CPNE8: variants seen among roughly 807,000 people sequenced by gnomAD.
The protein encoded by CPNE8 is copine-8.
Under a neutral mutation model 81.5 loss-of-function variants are expected in CPNE8, and 45 were observed. The observed-to-expected ratio is 0.55, with a 90% CI of 0.44 to 0.71. The LOEUF (loss-of-function observed/expected upper bound fraction) is 0.71. CPNE8 is among the 30% of genes least tolerant of loss of function. The pLI, the probability that CPNE8 is intolerant of heterozygous loss-of-function variation, is 0.00. For synonymous variants in CPNE8, 252 were observed against 226.3 expected, an observed-to-expected ratio of 1.11 and a Z score of -1.02; for missense variants, 594 against 672.1, an observed-to-expected ratio of 0.88 and a Z score of 1.28.
At chr12:38,790,300 G>A (rs1002900099) in intron 6 of CPNE8, among the ~76,000 whole-genome samples, 2 of 151,724 alleles carry the variant, frequency 1.3e-5, no homozygotes, top group African/African-American at 4.8e-5. Context: ...AATATGGATG[G>A]AACTGAAGGT....
chr12:38,686,493 C>G (rs1353199818), intron 15 of CPNE8, among the ~76,000 whole-genome samples: 1 of 152,190 alleles, frequency 6.6e-6, no homozygotes, highest in Non-Finnish European at 1.5e-5. Flanking sequence ...ACAAATAACA[C>G]AAGACCATGT....
chr12:38,695,386 G>A (rs771309439), intron 14 of CPNE8, among the ~76,000 whole-genome samples: 5 of 152,194 alleles, frequency 3.3e-5, no homozygotes, highest in East Asian at 1.9e-4. Flanking sequence ...ACCAACTTCC[G>A]GGCTAATGTC....
At chr12:38,837,710 C>CAG (rs1390082388) in intron 5 of CPNE8, among the ~76,000 whole-genome samples, 3 of 151,386 alleles carry the variant, frequency 2.0e-5, no homozygotes, top group South Asian at 2.1e-4. Context: ...CTATTTGGAA[C>CAG]AGAGAGAGAG....
At chr12:38,696,009 G>C (rs1281566623) in intron 14 of CPNE8, among the ~76,000 whole-genome samples, 1 of 152,050 alleles carries the variant, frequency 6.6e-6, no homozygotes, top group Non-Finnish European at 1.5e-5. Context: ...ATATAGAAGA[G>C]TTTTAATCCA....
intron 1 of CPNE8, among the ~76,000 whole-genome samples, chr12:38,885,158 AT>A (rs1465633992): frequency 1.3e-5 from 2 of 152,228 alleles, no homozygotes; most frequent in Non-Finnish European, 2.9e-5. Flanking sequence ...TAATGAATGT[AT>A]TTTAAACTTA....
At chr12:38,687,541 C>T (rs1036215173) in intron 15 of CPNE8, among the ~76,000 whole-genome samples, 3 of 151,914 alleles carry the variant, frequency 2.0e-5, no homozygotes, top group Non-Finnish European at 4.4e-5. Context: ...ACCACCAGAC[C>T]CAGCTAATTT....
chr12:38,729,349 T>G (rs1251261810), intron 11 of CPNE8, among the ~76,000 whole-genome samples: 2 of 152,032 alleles, frequency 1.3e-5, no homozygotes, highest in Non-Finnish European at 2.9e-5. Context: ...GTTTGGCCCC[T>G]CTGTAATAAT....
intron 3 of CPNE8, among the ~76,000 whole-genome samples, chr12:38,867,318 G>C (rs1371282365): frequency 7.2e-6 from 1 of 138,610 alleles, no homozygotes; most frequent in East Asian, 2.2e-4. Context: ...GTGTGTGTGT[G>C]TGTGTGTGTG....
intron 15 of CPNE8, 118 bp from the exon 16 acceptor site, chr12:38,685,735 C>A: frequency 1.0e-6 from 1 of 1,002,006 alleles, no homozygotes; most frequent in East Asian, 2.6e-5. Context: ...TTGAGGAACT[C>A]TTATTCATAA....
intron 3 of CPNE8, among the ~76,000 whole-genome samples, chr12:38,866,896 T>A (rs1331658718): frequency 6.6e-6 from 1 of 152,158 alleles, no homozygotes; most frequent in Non-Finnish European, 1.5e-5. Context: ...TATCGCTCTG[T>A]CACCCAGGCT....
intron 13 of CPNE8, among the ~76,000 whole-genome samples, chr12:38,714,748 T>C (rs826841): frequency 0.098 from 14,908 of 152,052 alleles, 935 homozygotes; most frequent in East Asian, 0.25. Context: ...CCTGAATCCA[T>C]AAATCTGTCT....
chr12:38,856,960 A>G (rs1943748652), intron 3 of CPNE8, among the ~76,000 whole-genome samples: 1 of 151,756 alleles, frequency 6.6e-6, no homozygotes, highest in African/African-American at 2.4e-5. Flanking sequence ...TATGAGTATC[A>G]GGGTTTTTTT....
intron 14 of CPNE8, among the ~76,000 whole-genome samples, chr12:38,694,056 G>T (rs776050348): frequency 5.9e-5 from 9 of 151,986 alleles, no homozygotes; most frequent in Non-Finnish European, 1.2e-4. Context: ...CAAAGCATAC[G>T]CAGAAGTTTT....
Position 38,693,717 on chromosome 12 carries a change from T to C in CPNE8, c.1083A>G (p.Pro361=). The C allele has an allele frequency of 2.5e-6, 4 of 1,613,718 alleles. No homozygotes were observed. The highest frequency in any genetic ancestry group is 3.4e-6 in the Non-Finnish European group (4 of 1,179,742). Residue 361 remains proline (P), a synonymous_variant, in exon 15 of 20, where the codon CCA becomes CCG. Transcript: ENST00000331366. Reference sequence around the variant, plus strand: ...GCAGTTTTGCACCAAATCCTAGAGCTGGAAACATTTTATCACTGTCATAAT... The same window carrying C: ...GCAGTTTTGCACCAAATCCTAGAGCCGGAAACATTTTATCACTGTCATAAT... ...VQDYDSDKMF[P]ALGFGAKLPP...
intron 6 of CPNE8, among the ~76,000 whole-genome samples, chr12:38,802,591 T>G (rs945690991): frequency 2.4e-4 from 34 of 142,582 alleles, no homozygotes; most frequent in South Asian, 7.1e-4. Flanking sequence ...ACATCACAAT[T>G]AAAAGAACTA....
chr12:38,807,102 G>A (rs925012751), intron 6 of CPNE8, among the ~76,000 whole-genome samples: 3 of 151,912 alleles, frequency 2.0e-5, no homozygotes, highest in African/African-American at 7.3e-5. Context: ...AAATAAAAGA[G>A]GACACAAACA....
chr12:38,661,046 G>A (rs1938940531), intron 19 of CPNE8, among the ~76,000 whole-genome samples: 1 of 152,184 alleles, frequency 6.6e-6, no homozygotes. Flanking sequence ...GGAAGACAGT[G>A]TGGCGATTCC....
chr12:38,768,742 T>C (rs565215629), intron 7 of CPNE8, among the ~76,000 whole-genome samples: 2 of 152,178 alleles, frequency 1.3e-5, no homozygotes, highest in South Asian at 4.1e-4. Flanking sequence ...TTAGCCATGA[T>C]GGTCTCTATC....
chr12:38,705,571 A>G (rs1940084241), intron 13 of CPNE8, among the ~76,000 whole-genome samples: 1 of 152,204 alleles, frequency 6.6e-6, no homozygotes, highest in Non-Finnish European at 1.5e-5. Flanking sequence ...AAGTGAGTAC[A>G]AACTTTTAGA....
Sources: gnomAD v4.1 joint callset for allele counts (sites outside exome capture counted in the v4.1 genomes callset) on GRCh38, gnomAD v4.1.1 for gene constraint, MANE v1.5 for transcripts, NCBI Gene and HGNC (gene_info 2026-07-23, HGNC 2026-07-21) for gene names.